Variants in KHDRBS2 observed in about 807,000 individuals in gnomAD.
KHDRBS2 encodes the protein KH domain-containing, RNA-binding, signal transduction-associated protein 2.
A neutral mutation model predicts 44.3 loss-of-function variants in KHDRBS2; 26 were observed. The observed-to-expected ratio is 0.59, with a 90% CI of 0.43 to 0.81. KHDRBS2 has a LOEUF of 0.81. Among genes scored for constraint, KHDRBS2 ranks in the 40% least tolerant of loss-of-function variants. The pLI, the probability that KHDRBS2 is intolerant of heterozygous loss-of-function variation, is 0.00. For missense variants in KHDRBS2, 476 were observed against 433.1 expected (o/e 1.10, Z -0.88); for synonymous variants, 194 against 151.1 (o/e 1.28, Z -2.08).
the KHDRBS2 span, among the ~76,000 whole-genome samples, chr6:61,547,473 G>A: frequency 0.024 from 3,709 of 152,130 alleles, 69 homozygotes; most frequent in Middle Eastern, 0.085. Flanking sequence ...TAAATTTGAT[G>A]GACCCAGCTA....
intron 6 of KHDRBS2, among the ~76,000 whole-genome samples, chr6:61,748,756 T>C (rs1389001019): frequency 6.6e-6 from 1 of 152,046 alleles, no homozygotes; most frequent in Non-Finnish European, 1.5e-5. Flanking sequence ...ATTGTGTTTG[T>C]TTATAATGTT....
the KHDRBS2 span, among the ~76,000 whole-genome samples, chr6:61,586,395 T>G: frequency 0.17 from 26,044 of 152,048 alleles, 2,466 homozygotes; most frequent in East Asian, 0.29. Flanking sequence ...GGGAAGAATA[T>G]CTTCCACGTT....
the KHDRBS2 span, among the ~76,000 whole-genome samples, chr6:61,610,283 GA>G: frequency 6.6e-6 from 1 of 152,004 alleles, no homozygotes; most frequent in African/African-American, 2.4e-5. Flanking sequence ...CAATCTAGGG[GA>G]AAAATCATAC....
the KHDRBS2 span, among the ~76,000 whole-genome samples, chr6:61,572,923 C>A: frequency 6.6e-6 from 1 of 152,118 alleles, no homozygotes; most frequent in Non-Finnish European, 1.5e-5. Context: ...CAAGGATGCC[C>A]ACTTTCACCA....
Position 61,689,943 on chromosome 6 carries a change from G to T in KHDRBS2, c.952+7252C>A, listed in dbSNP as rs1767212249. Among the ~76,000 whole-genome samples, 6 of 151,940 alleles carry T rather than the reference G, an allele frequency of 3.9e-5. 1 individual carries two copies. The South Asian group carries it at 1.2e-3, about 32-fold the overall frequency. On this transcript the variant is annotated intron_variant, in intron 8 of 8. Coordinates refer to ENST00000281156, the MANE Select transcript of KHDRBS2 (RefSeq NM_152688.4). ...CTGTAATTCAAACTCCTTGGTGGTG[G>T]TGATAGTTTTTTAAAATGCCTATTC...
intron 2 of KHDRBS2, among the ~76,000 whole-genome samples, chr6:62,049,500 A>AAG (rs72313730): frequency 6.6e-6 from 1 of 151,518 alleles, no homozygotes; most frequent in Non-Finnish European, 1.5e-5. Flanking sequence ...CACCAAAAAA[A>AAG]AAAAATCCCT....
intron 2 of KHDRBS2, among the ~76,000 whole-genome samples, chr6:62,089,480 G>T (rs1180653534): frequency 6.6e-6 from 1 of 152,086 alleles, no homozygotes; most frequent in African/African-American, 2.4e-5. Flanking sequence ...GCTAGGAGAA[G>T]GAGTTCCCTG....
Position 62,061,958 on chromosome 6 carries a change from G to C in KHDRBS2, c.220-13964C>G, listed in dbSNP as rs192480414. On this transcript the variant is annotated intron_variant, in intron 2 of 8. Transcript: ENST00000281156. Reference sequence around the variant, plus strand: ...ATCGCTGATACCCTTTCTTCCAGTTGATCACATCGGCTCCTGAGGCTCCTG... The same window carrying C: ...ATCGCTGATACCCTTTCTTCCAGTTCATCACATCGGCTCCTGAGGCTCCTG... 7.0e-3 allele frequency among the ~76,000 whole-genome samples: 1,056 copies of C among 151,706 alleles called. 12 individuals are homozygous for C. The highest frequency in any genetic ancestry group is 0.024 in the African/African-American group (996 of 41,396).
At chr6:61,741,170 C>T (rs1397588274) in intron 6 of KHDRBS2, among the ~76,000 whole-genome samples, 2 of 151,610 alleles carry the variant, frequency 1.3e-5, no homozygotes, top group Non-Finnish European at 1.5e-5. Flanking sequence ...TTAACAGAGA[C>T]CTGTGAAAAT....
At chr6:61,935,353 G>C (rs1475632091) in intron 4 of KHDRBS2, among the ~76,000 whole-genome samples, 1 of 152,106 alleles carries the variant, frequency 6.6e-6, no homozygotes, top group East Asian at 1.9e-4. Flanking sequence ...ACTAACAACA[G>C]GACAAGAGAA....
At chr6:61,868,144 C>T (rs1161207364) in intron 6 of KHDRBS2, among the ~76,000 whole-genome samples, 2 of 151,934 alleles carry the variant, frequency 1.3e-5, no homozygotes, top group African/African-American at 4.8e-5. Flanking sequence ...GTAACTCAAG[C>T]AGGGGTGGCT....
chr6:61,845,604 G>A (rs947191209), intron 6 of KHDRBS2, among the ~76,000 whole-genome samples: 4 of 152,046 alleles, frequency 2.6e-5, no homozygotes, highest in Non-Finnish European at 4.4e-5. Flanking sequence ...CTCTGCACAC[G>A]GCCCAATGAG....
chr6:61,671,473 A>G, the KHDRBS2 span, among the ~76,000 whole-genome samples: 1 of 151,726 alleles, frequency 6.6e-6, no homozygotes, highest in East Asian at 1.9e-4. Flanking sequence ...CTCTCATAAT[A>G]AAGTGTAAGA....
At chr6:61,817,265 CA>C (rs146623693) in intron 6 of KHDRBS2, among the ~76,000 whole-genome samples, 8,865 of 152,000 alleles carry the variant, frequency 0.058, 873 homozygotes, top group African/African-American at 0.2. Flanking sequence ...AGATGAAAAT[CA>C]CCACTTTATG....
chr6:61,778,933 T>C (rs1441696572), intron 6 of KHDRBS2, among the ~76,000 whole-genome samples: 1 of 152,176 alleles, frequency 6.6e-6, no homozygotes, highest in Non-Finnish European at 1.5e-5. Context: ...TTACTACTCA[T>C]TGCCTGCCTA....
At chr6:62,216,419 C>A (rs1234981393) in intron 1 of KHDRBS2, among the ~76,000 whole-genome samples, 2 of 151,762 alleles carry the variant, frequency 1.3e-5, no homozygotes, top group Non-Finnish European at 2.9e-5. Flanking sequence ...TTGTTTTAAA[C>A]ATGGAATCTA....
the KHDRBS2 span, among the ~76,000 whole-genome samples, chr6:61,628,769 T>A: frequency 6.6e-6 from 1 of 152,224 alleles, no homozygotes; most frequent in African/African-American, 2.4e-5. Context: ...TGTATGTGGT[T>A]ATCAATTGGC....
rs551699861 is a variant in KHDRBS2, at chr6:62,279,969, C to A, written c.91+5889G>T. On this transcript the variant is annotated intron_variant, in intron 1 of 8. Coordinates refer to ENST00000281156, the MANE Select transcript of KHDRBS2 (RefSeq NM_152688.4). ...GTGATGAAAAAGACTTGGTTCTGCT[C>A]CTCAAGAGGAGACAGAGAGGAGCTG... Among the ~76,000 whole-genome samples, 20 of 152,276 alleles carry A rather than the reference C, an allele frequency of 1.3e-4. No homozygotes were observed. The South Asian group carries it at 3.5e-3, about 27-fold the overall frequency.
chr6:62,077,562 T>A (rs1716833015), intron 2 of KHDRBS2, among the ~76,000 whole-genome samples: 1 of 152,006 alleles, frequency 6.6e-6, no homozygotes, highest in South Asian at 2.1e-4. Context: ...GATAGGAGCC[T>A]TTTGTTGGGG....
Sources: allele counts gnomAD v4.1 joint callset (sites outside exome capture counted in the v4.1 genomes callset), GRCh38; gene constraint gnomAD v4.1.1; transcripts MANE v1.5; gene names NCBI Gene and HGNC (gene_info 2026-07-23, HGNC 2026-07-21).